Variants in ARHGAP26 observed in about 807,000 individuals in gnomAD.
The protein encoded by ARHGAP26 is rho GTPase-activating protein 26.
Under a neutral mutation model 104.8 loss-of-function variants are expected in ARHGAP26, and 38 were observed. That is an observed-to-expected ratio of 0.36 (90% CI 0.28 to 0.48). The LOEUF (loss-of-function observed/expected upper bound fraction) is 0.48, where lower values mean the gene tolerates loss of function less well. Ranked by LOEUF, ARHGAP26 falls within the 20% of genes least tolerant of loss-of-function variation. The probability of loss-of-function intolerance (pLI) is 0.99; values close to 1 mark genes in which losing one functional copy is unlikely to be tolerated. For missense variants in ARHGAP26, 704 were observed against 947.9 expected (o/e 0.74, Z 3.38); for synonymous variants, 341 against 340.0 (o/e 1.00, Z -0.03).
chr5:142,980,608 C>T (rs186818784), intron 11 of ARHGAP26, among the ~76,000 whole-genome samples: 98 of 152,094 alleles, frequency 6.4e-4, no homozygotes, highest in Non-Finnish European at 1.0e-3. Context: ...AGGCTGGTCT[C>T]GAACTCCTGA....
chr5:142,814,695 A>G (rs1359594625), intron 1 of ARHGAP26, among the ~76,000 whole-genome samples: 1 of 152,200 alleles, frequency 6.6e-6, no homozygotes, highest in African/African-American at 2.4e-5. Flanking sequence ...GAGTCCCACT[A>G]ACCCGCATTC....
chr5:142,930,834 C>T (rs2152531017), intron 10 of ARHGAP26, among the ~76,000 whole-genome samples: 1 of 152,102 alleles, frequency 6.6e-6, no homozygotes, highest in East Asian at 1.9e-4. Flanking sequence ...TTATGTTAAA[C>T]ACAAATAGGT....
intron 18 of ARHGAP26, among the ~76,000 whole-genome samples, chr5:143,126,196 G>A (rs1796707750): frequency 6.6e-6 from 1 of 152,192 alleles, no homozygotes; most frequent in Non-Finnish European, 1.5e-5. Context: ...ATCAATGGAA[G>A]TTTTCTAGGC....
chr5:143,054,383 T>C lies in ARHGAP26; in HGVS notation c.1286-56T>C, dbSNP rs1234873494. ...AAGATTGGATGCCTTTATGTGTGCTTATTTATTAGTTCCATTTTATGCTGT... is the reference window on the plus strand; with the variant it reads ...AAGATTGGATGCCTTTATGTGTGCTCATTTATTAGTTCCATTTTATGCTGT... On this transcript the variant is annotated intron_variant, in intron 14 of 22. Transcript: ENST00000645722. 21 of 1,272,516 alleles carry C rather than the reference T, an allele frequency of 1.7e-5. No homozygotes were observed. In the Admixed American group the frequency reaches 1.9e-4, roughly 11 times the overall value. The allele number at this position is 1,272,516 out of a possible 1,614,324, so 78.8% of individuals were successfully genotyped here.
chr5:142,910,474 C>G (rs542870617), intron 9 of ARHGAP26, among the ~76,000 whole-genome samples: 8 of 152,338 alleles, frequency 5.3e-5, no homozygotes, highest in African/African-American at 1.9e-4. Context: ...TGTGGTGGCT[C>G]ACGCCTGTTA....
chr5:142,875,592 C>T (rs1394763988), intron 3 of ARHGAP26, among the ~76,000 whole-genome samples: 3 of 152,104 alleles, frequency 2.0e-5, no homozygotes, highest in Non-Finnish European at 4.4e-5. Flanking sequence ...TTTTAAGCAC[C>T]CAACACAGTG....
At chr5:142,902,574 C>A (rs1241610233) in intron 7 of ARHGAP26, among the ~76,000 whole-genome samples, 1 of 152,258 alleles carries the variant, frequency 6.6e-6, no homozygotes. Flanking sequence ...GCACAGAATC[C>A]TGCGTAGGGC....
At chr5:143,120,583 T>A (rs2150785898) in intron 17 of ARHGAP26, among the ~76,000 whole-genome samples, 1 of 152,322 alleles carries the variant, frequency 6.6e-6, no homozygotes, top group African/African-American at 2.4e-5. Flanking sequence ...ATCAAGAGGT[T>A]TTACATTTGC....
At position 142,988,181 on chromosome 5, in the gene ARHGAP26, C is replaced by G. The variant is rs917053247; in HGVS notation, c.1108-25899C>G. ...CTCAATTTCAGAGCCTGTTATTGGT[C>G]TATTCAGGGATTCAACTTCTTCCTG... On this transcript the variant is annotated intron_variant, in intron 11 of 22. Coordinates refer to ENST00000645722, the MANE Select transcript of ARHGAP26 (RefSeq NM_001135608.3). Among the ~76,000 whole-genome samples the G allele has an allele frequency of 2.0e-5, 3 of 152,100 alleles. No individual in the cohort carries two copies. In the South Asian group the frequency reaches 6.2e-4, roughly 32 times the overall value.
intron 7 of ARHGAP26, 38 bp from the exon 8 acceptor site, chr5:142,903,502 T>C: frequency 1.2e-6 from 2 of 1,602,716 alleles, no homozygotes; most frequent in South Asian, 2.2e-5. Flanking sequence ...AACAGATACT[T>C]TGTTTCTTTG....
At chr5:143,007,212 A>C (rs1466943936) in intron 11 of ARHGAP26, among the ~76,000 whole-genome samples, 1 of 151,874 alleles carries the variant, frequency 6.6e-6, no homozygotes, top group Non-Finnish European at 1.5e-5. Context: ...AAAAAAAAAA[A>C]AAAAGTTCCT....
At chr5:143,221,652 A>G (rs560458104) in intron 22 of ARHGAP26, among the ~76,000 whole-genome samples, 5 of 152,102 alleles carry the variant, frequency 3.3e-5, no homozygotes, top group Non-Finnish European at 7.4e-5. Flanking sequence ...TCCTCCAAGT[A>G]GCTGGGACTA....
chr5:143,065,593 T>G (rs755635177), intron 17 of ARHGAP26, among the ~76,000 whole-genome samples: 6 of 152,224 alleles, frequency 3.9e-5, no homozygotes, highest in Admixed American at 6.5e-5. Flanking sequence ...CTGAAAAAGA[T>G]GATAATAATT....
chr5:143,222,564 A>G lies in ARHGAP26; in HGVS notation c.*118A>G, dbSNP rs113852297. The G allele has an allele frequency of 1.4e-3, 952 of 703,862 alleles. 8 individuals are homozygous for G. The African/African-American group carries it at 0.016, about 11-fold the overall frequency. The allele number at this position is 703,862 out of a possible 1,614,324, so 43.6% of individuals were successfully genotyped here. ...ATGCAGCGTGACTGACTCTGTTGCT[A>G]CCTGTCAACATGAATGTTTCTGTGA... On this transcript the variant is annotated 3_prime_UTR_variant, in exon 23 of 23. Coordinates refer to ENST00000645722, the MANE Select transcript of ARHGAP26 (RefSeq NM_001135608.3).
At chr5:142,975,582 A>G (rs930389652) in intron 11 of ARHGAP26, among the ~76,000 whole-genome samples, 2 of 152,190 alleles carry the variant, frequency 1.3e-5, no homozygotes, top group African/African-American at 4.8e-5. Flanking sequence ...TTAGCAAACT[A>G]TAAAGATGAT....
Position 143,147,233 on chromosome 5 carries a change from G to A in ARHGAP26, c.1840G>A (p.Glu614Lys). ...GACTTGTGGCTTTTCCCCCCCAGAG[G>A]AACAAAGGAACAGCATCATCAACTC... is the stretch of plus-strand genomic sequence containing the variant. ...FHTVQSTEKQEQRNSIINSSL... is the reference protein window; with the variant it reads ...FHTVQSTEKQKQRNSIINSSL... The change falls in exon 20 of 23, where the codon GAA becomes AAA. Residue 614 changes from glutamate (E) to lysine (K), a missense_variant and splice_region_variant. Transcript: ENST00000645722. The A allele has an allele frequency of 1.2e-6, 2 of 1,613,666 alleles. No homozygotes were observed. The highest frequency in any genetic ancestry group is 1.7e-6 in the Non-Finnish European group (2 of 1,179,788).
intron 20 of ARHGAP26, among the ~76,000 whole-genome samples, chr5:143,204,463 G>T (rs1174941786): frequency 6.6e-6 from 1 of 152,222 alleles, no homozygotes. Flanking sequence ...GGCAGAGGTT[G>T]CAGTGAGCCA....
At chr5:142,934,256 A>C (rs1765117029) in intron 11 of ARHGAP26, among the ~76,000 whole-genome samples, 1 of 152,222 alleles carries the variant, frequency 6.6e-6, no homozygotes, top group Non-Finnish European at 1.5e-5. Flanking sequence ...CTGTAGATTA[A>C]CATCTGGCCT....
At chr5:142,817,668 G>A (rs1765403980) in intron 1 of ARHGAP26, among the ~76,000 whole-genome samples, 1 of 152,172 alleles carries the variant, frequency 6.6e-6, no homozygotes, top group African/African-American at 2.4e-5. Context: ...CACCTCTCAT[G>A]AGGTGGTGTG....
Sources: allele counts gnomAD v4.1 joint callset (sites outside exome capture counted in the v4.1 genomes callset), GRCh38; gene constraint gnomAD v4.1.1; transcripts MANE v1.5; gene names NCBI Gene and HGNC (gene_info 2026-07-23, HGNC 2026-07-21).